The following KCNQ1 variants were observed in gnomAD, a reference collection of about 807,000 sequenced individuals.
KCNQ1 encodes the protein potassium voltage-gated channel subfamily KQT member 1.
KCNQ1 carries 49 observed loss-of-function variants against 72.4 expected under a neutral mutation model. That is an observed-to-expected ratio of 0.68 (90% confidence interval 0.54 to 0.86). The LOEUF (loss-of-function observed/expected upper bound fraction) is 0.86. KCNQ1 is among the 40% of genes least tolerant of loss of function. KCNQ1 has a pLI of 0.00. For missense variants in KCNQ1, 790 were observed against 945.1 expected (o/e 0.84, Z 2.15); for synonymous variants, 450 against 412.6 (o/e 1.09, Z -1.10).
rs1474513888 is a variant in KCNQ1, at chr11:2,683,562, G to C, written c.1514+21481G>C. The C allele has an allele frequency of 2.5e-6, 1 of 398,506 alleles. No homozygotes were observed. The highest frequency in any genetic ancestry group is 4.4e-6 in the Non-Finnish European group (1 of 226,086). 24.7% of individuals were successfully genotyped at this position (398,506 alleles called of 1,614,324 possible). ...AAAGAGGTAGAAGCCCCTACCTACT[G>C]ACTGGCATCACAAACACTGCCCTGA... On this transcript the variant is annotated intron_variant, in intron 11 of 15. Coordinates refer to ENST00000155840, the MANE Select transcript of KCNQ1 (RefSeq NM_000218.3). This position sits in a 1 kb window ranked among gnomAD's most constrained non-coding sequence, Gnocchi z 4.7.
In KCNQ1 at chr11:2,848,023, G is replaced by T; in HGVS notation, c.*20G>T. 3 of 1,531,132 alleles carry T rather than the reference G, an allele frequency of 2.0e-6. No homozygotes were observed. The highest frequency in any genetic ancestry group is 2.6e-6 in the Non-Finnish European group (3 of 1,136,476). 94.8% of individuals were successfully genotyped at this position (1,531,132 alleles called of 1,614,324 possible). On this transcript the variant is annotated 3_prime_UTR_variant, in exon 16 of 16. Coordinates refer to ENST00000155840, the MANE Select transcript of KCNQ1 (RefSeq NM_000218.3). ...TCCTGAGGAGGGGATGGGGCTGGGG[G>T]ATGGGCCTGAGTGAGAGGGGAGGCC...
At position 2,451,488 on chromosome 11, in the gene KCNQ1, G is replaced by C. The variant is rs1158861996; in HGVS notation, c.386+6004G>C. On this transcript the variant is annotated intron_variant, in intron 1 of 15. Transcript: ENST00000155840. The surrounding 1 kb of genome is among the most constrained non-coding windows in gnomAD (Gnocchi z 6.4). ...GATTGAGGCTCGGGGCCATGGGATCGGCACTGTCATTGCCCTTGGAGGGTT... is the reference window on the plus strand; with the variant it reads ...GATTGAGGCTCGGGGCCATGGGATCCGCACTGTCATTGCCCTTGGAGGGTT... Among the ~76,000 whole-genome samples the C allele has an allele frequency of 6.6e-6, 1 of 152,172 alleles. No individual in the cohort carries two copies. Among genetic ancestry groups the C allele is most frequent in the Non-Finnish European group, 1.5e-5 (1 of 68,036 alleles).
chr11:2,848,607 G>C lies in KCNQ1; in HGVS notation c.*604G>C, dbSNP rs879399215. The C allele has an allele frequency of 1.1e-5, 5 of 453,476 alleles. No homozygotes were observed. The highest frequency in any genetic ancestry group is 2.2e-5 in the Non-Finnish European group (5 of 226,338). 28.1% of individuals were successfully genotyped at this position (453,476 alleles called of 1,614,324 possible). On this transcript the variant is annotated 3_prime_UTR_variant, in exon 16 of 16. Transcript: ENST00000155840. ...CCTGAGCCCCCAGCTTCCAGCAGGA[G>C]GGACAGTCTCACCATTTCCCCAGGG...
At chr11:2,583,600 G>C in intron 7 of KCNQ1, 55 bp downstream of exon 7, 2 of 1,259,526 alleles carry the variant, frequency 1.6e-6, no homozygotes, top group Non-Finnish European at 2.3e-6. Context: ...GGGGTCCTGG[G>C]GTGGCTGCAC....
At chr11:2,615,984 T>G (rs1849056719) in intron 10 of KCNQ1, 1 of 398,088 alleles carries the variant, frequency 2.5e-6, no homozygotes, top group Non-Finnish European at 4.4e-6. Flanking sequence ...ACGCCATCTG[T>G]GTAGCATTTT....
intron 11 of KCNQ1, chr11:2,662,684 A>C: frequency 2.5e-6 from 1 of 403,766 alleles, no homozygotes; most frequent in South Asian, 1.2e-4. Flanking sequence ...TGGGGTGCCC[A>C]GCGGTGACAG....
At chr11:2,719,504 A>C (rs79266660) in intron 11 of KCNQ1, among the ~76,000 whole-genome samples, 12,386 of 151,704 alleles carry the variant, frequency 0.082, 528 homozygotes, top group Middle Eastern at 0.12. Flanking sequence ...AACAAACAAA[A>C]AAAAAAACCA....
At position 2,653,137 on chromosome 11, in the gene KCNQ1, G is replaced by A. The variant is rs988331390; in HGVS notation, c.1394-8824G>A. On this transcript the variant is annotated intron_variant, in intron 10 of 15. Coordinates refer to ENST00000155840, the MANE Select transcript of KCNQ1 (RefSeq NM_000218.3). This position sits in a 1 kb window ranked among gnomAD's most constrained non-coding sequence, Gnocchi z 5.3. Reference sequence around the variant, plus strand: ...TGGGGAGATGAGGACTTGCATCACAGCAGTAGAAAGCCAATGTCCCACCTT... The same window carrying A: ...TGGGGAGATGAGGACTTGCATCACAACAGTAGAAAGCCAATGTCCCACCTT... The A allele has an allele frequency of 7.5e-6, 3 of 398,616 alleles. No individual in the cohort carries two copies. The highest frequency in any genetic ancestry group is 6.2e-5 in the African/African-American group (3 of 48,652). 24.7% of individuals were successfully genotyped at this position (398,616 alleles called of 1,614,324 possible). A position where few individuals can be genotyped will look rare whatever the true frequency, so the allele number is the denominator to read the frequency against.
At chr11:2,731,299 AC>A (rs1229991584) in intron 11 of KCNQ1, among the ~76,000 whole-genome samples, 1 of 152,192 alleles carries the variant, frequency 6.6e-6, no homozygotes, top group African/African-American at 2.4e-5. Context: ...CATGCACCCC[AC>A]TGTTGCATGG....
At chr11:2,585,025 G>T (rs757860650) in intron 7 of KCNQ1, among the ~76,000 whole-genome samples, 187 bp from the exon 8 acceptor site, 1 of 152,226 alleles carries the variant, frequency 6.6e-6, no homozygotes, top group African/African-American at 2.4e-5. Context: ...ATAAGACCTG[G>T]GGTATAAGTT....
chr11:2,696,393 A>G, intron 11 of KCNQ1: 1 of 398,584 alleles, frequency 2.5e-6, no homozygotes, highest in Admixed American at 4.4e-5. Context: ...CCTTTATCAC[A>G]TGTCCCCTTC....
chr11:2,808,749 T>G lies in KCNQ1; in HGVS notation c.1794+30712T>G, dbSNP rs907909179. 6.6e-6 allele frequency among the ~76,000 whole-genome samples: 1 copy of G among 152,038 alleles called. No homozygotes were observed. Among genetic ancestry groups the G allele is most frequent in the African/African-American group, 2.4e-5 (1 of 41,380 alleles). On this transcript the variant is annotated intron_variant, in intron 15 of 15. Coordinates refer to ENST00000155840, the MANE Select transcript of KCNQ1 (RefSeq NM_000218.3). The surrounding 1 kb of genome is among the most constrained non-coding windows in gnomAD (Gnocchi z 6.0). ...ATCCTAGAAATACCCATCCTTAGTGTGAGGAGAGCAGCATTCCAGACGCTT... is the reference window on the plus strand; with the variant it reads ...ATCCTAGAAATACCCATCCTTAGTGGGAGGAGAGCAGCATTCCAGACGCTT...
At position 2,471,788 on chromosome 11, in the gene KCNQ1, G is replaced by A. The variant is rs993857637; in HGVS notation, c.386+26304G>A. The stretch of plus-strand genomic sequence containing the variant: ...TATGGGTGTGTGCATGTGATTGGGT[G>A]TGTGCATGTGTATATAGGTGTGTGT... On this transcript the variant is annotated intron_variant, in intron 1 of 15. Coordinates refer to ENST00000155840, the MANE Select transcript of KCNQ1 (RefSeq NM_000218.3). This position sits in a 1 kb window ranked among gnomAD's most constrained non-coding sequence, Gnocchi z 4.8. 1.3e-5 allele frequency among the ~76,000 whole-genome samples: 2 copies of A among 151,000 alleles called. No homozygotes were observed. The highest frequency in any genetic ancestry group is 2.4e-5 in the African/African-American group (1 of 40,956).
At position 2,601,498 on chromosome 11, in the gene KCNQ1, C is replaced by T. The variant is rs1848806598; in HGVS notation, c.1393+12644C>T. On this transcript the variant is annotated intron_variant, in intron 10 of 15. Coordinates refer to ENST00000155840, the MANE Select transcript of KCNQ1 (RefSeq NM_000218.3). The surrounding 1 kb of genome is among the most constrained non-coding windows in gnomAD (Gnocchi z 5.2). ...CACAATATGATAACCAGGATGTCAA[C>T]AGCAAGAGTCCAGATGCAGAGTGCT... 1.3e-5 allele frequency among the ~76,000 whole-genome samples: 2 copies of T among 152,214 alleles called. No individual in the cohort carries two copies. Among genetic ancestry groups the T allele is most frequent in the South Asian group, 2.1e-4 (1 of 4,830 alleles).
At position 2,674,957 on chromosome 11, in the gene KCNQ1, C is replaced by G. The variant is rs954340987; in HGVS notation, c.1514+12876C>G. ...GCCTCGCTTCTGGGGCTGACTGGAG[C>G]TGTTTCTCTTCGTTTCCTCTTACAG... is the stretch of plus-strand genomic sequence containing the variant. On this transcript the variant is annotated intron_variant, in intron 11 of 15. Coordinates refer to ENST00000155840, the MANE Select transcript of KCNQ1 (RefSeq NM_000218.3). This position sits in a 1 kb window ranked among gnomAD's most constrained non-coding sequence, Gnocchi z 5.9. 1.1e-4 allele frequency: 42 copies of G among 397,418 alleles called. No individual in the cohort carries two copies. The highest frequency in any genetic ancestry group is 4.4e-5 in the Admixed American group (1 of 22,580). 24.6% of individuals were successfully genotyped at this position (397,418 alleles called of 1,614,324 possible). A position where few individuals can be genotyped will look rare whatever the true frequency, so the allele number is the denominator to read the frequency against.
intron 2 of KCNQ1, among the ~76,000 whole-genome samples, chr11:2,540,384 G>C (rs193237954): frequency 0.012 from 1,868 of 152,346 alleles, 35 homozygotes; most frequent in African/African-American, 0.042. Flanking sequence ...GCGGCCTCAC[G>C]GGGTCAGGAG....
rs1285780615 is a variant in KCNQ1 at position 2,549,465 on chromosome 11, A to G, written c.478-21163A>G. ...TTTCTACCTCAAAGCGATGGAACCC[A>G]GAAGACATGGGGCCCTCGAGGAGGG... On this transcript the variant is annotated intron_variant, in intron 2 of 15. Coordinates refer to ENST00000155840, the MANE Select transcript of KCNQ1 (RefSeq NM_000218.3). The surrounding 1 kb of genome is among the most constrained non-coding windows in gnomAD (Gnocchi z 6.2). Among the ~76,000 whole-genome samples the G allele has an allele frequency of 6.6e-6, 1 of 152,176 alleles. No individual in the cohort carries two copies. The highest frequency in any genetic ancestry group is 2.4e-5 in the African/African-American group (1 of 41,446).
chr11:2,749,887 G>T lies in KCNQ1; in HGVS notation c.1515-18957G>T, dbSNP rs1846198473. ...CAGCTACTCAGGAGGCTGAGGCGGG[G>T]AAACACTTGAACCCGTGAGTTGAGA... On this transcript the variant is annotated intron_variant, in intron 11 of 15. Transcript: ENST00000155840. Among the ~76,000 whole-genome samples the T allele has an allele frequency of 1.3e-5, 2 of 151,836 alleles. 1 individual carries two copies. The highest frequency in any genetic ancestry group is 4.2e-4 in the South Asian group (2 of 4,806).
intron 15 of KCNQ1, among the ~76,000 whole-genome samples, chr11:2,790,805 G>C (rs1173288341): frequency 6.6e-6 from 1 of 152,332 alleles, no homozygotes; most frequent in African/African-American, 2.4e-5. Flanking sequence ...CTCAGAGGGT[G>C]TGAGCATGAG....
Sources: allele counts gnomAD v4.1 joint callset (sites outside exome capture counted in the v4.1 genomes callset), GRCh38; gene constraint gnomAD v4.1.1; non-coding constraint Gnocchi (gnomAD v3.1); transcripts MANE v1.5; gene names NCBI Gene and HGNC (gene_info 2026-07-23, HGNC 2026-07-21).